Variants in PDZD2 observed in about 807,000 individuals in gnomAD.
PDZD2 encodes the protein PDZ domain-containing protein 2.
Under a neutral mutation model 220.7 loss-of-function variants are expected in PDZD2, and 90 were observed. That is an observed-to-expected ratio of 0.41 (90% CI 0.34 to 0.49). The LOEUF is 0.49. PDZD2 is among the 20% of genes least tolerant of loss of function. The probability of loss-of-function intolerance (pLI) is 0.28; values close to 1 mark genes in which losing one functional copy is unlikely to be tolerated. For missense variants in PDZD2, 3,174 were observed against 3,608.5 expected, an observed-to-expected ratio of 0.88 and a Z score of 3.08; for synonymous variants, 1,375 against 1,450.5, an observed-to-expected ratio of 0.95 and a Z score of 1.18.
At chr5:31,910,526 G>C (rs1743090361) in intron 2 of PDZD2, among the ~76,000 whole-genome samples, 1 of 151,330 alleles carries the variant, frequency 6.6e-6, no homozygotes, top group African/African-American at 2.4e-5. Context: ...GAGTAACTGG[G>C]ATTACAGGCA....
intron 2 of PDZD2, among the ~76,000 whole-genome samples, chr5:31,940,961 CA>C (rs963316165): frequency 6.7e-6 from 1 of 150,058 alleles, no homozygotes; most frequent in South Asian, 2.1e-4. Flanking sequence ...GCCCCCCCAC[CA>C]AAAAAAAAGT....
chr5:31,736,316 A>G (rs1203354779), intron 1 of PDZD2, among the ~76,000 whole-genome samples: 1 of 152,138 alleles, frequency 6.6e-6, no homozygotes, highest in Admixed American at 6.5e-5. Flanking sequence ...ACGGCAGTGT[A>G]TGAGGATCTG....
At position 31,893,346 on chromosome 5, in the gene PDZD2, G is replaced by A. The variant is rs994820602; in HGVS notation, c.477-89809G>A. On this transcript the variant is annotated intron_variant, in intron 2 of 24. Transcript: ENST00000438447. ...AGCACTTTGGGAGACCAAGGTGGGC[G>A]GATTGCTTGACCCCAGGAGTTCAAG... Among the ~76,000 whole-genome samples the A allele has an allele frequency of 4.6e-5, 7 of 152,152 alleles. No individual in the cohort carries two copies. In the East Asian group the frequency reaches 7.7e-4, roughly 17 times the overall value.
chr5:31,849,964 A>T lies in PDZD2; in HGVS notation c.476+50240A>T. 1.6e-4 allele frequency among the ~76,000 whole-genome samples: 3 copies of T among 18,378 alleles called. 1 individual carries two copies. Among genetic ancestry groups the T allele is most frequent in the African/African-American group, 1.2e-3 (3 of 2,416 alleles). 12.1% of individuals were successfully genotyped at this position (18,378 alleles called of 152,430 possible). A position where few individuals can be genotyped will look rare whatever the true frequency, so the allele number is the denominator to read the frequency against. ...TATATATATACATATATATATATAC[A>T]CATATATATATATACATATATATAT... On this transcript the variant is annotated intron_variant, in intron 2 of 24. Coordinates refer to ENST00000438447, the MANE Select transcript of PDZD2 (RefSeq NM_178140.4).
At chr5:31,998,732 G>A (rs946150973) in intron 4 of PDZD2, among the ~76,000 whole-genome samples, 1 of 152,228 alleles carries the variant, frequency 6.6e-6, no homozygotes, top group African/African-American at 2.4e-5. Flanking sequence ...TAGCTGATGA[G>A]CTTAAAAAAC....
At chr5:31,951,452 C>G (rs1263818626) in intron 2 of PDZD2, among the ~76,000 whole-genome samples, 2 of 152,192 alleles carry the variant, frequency 1.3e-5, no homozygotes, top group Non-Finnish European at 2.9e-5. Context: ...GGCTCGACCT[C>G]TTAATACTAT....
intron 7 of PDZD2, among the ~76,000 whole-genome samples, chr5:32,037,804 C>G (rs939030762): frequency 6.6e-6 from 1 of 151,772 alleles, no homozygotes; most frequent in Non-Finnish European, 1.5e-5. Flanking sequence ...TGGCTCTGTG[C>G]AGGAGGCACC....
intron 2 of PDZD2, among the ~76,000 whole-genome samples, chr5:31,980,056 C>T (rs150834374): frequency 1.0e-3 from 158 of 152,216 alleles, no homozygotes; most frequent in African/African-American, 3.5e-3. Context: ...TTTTAAAAAC[C>T]GAGACATATT....
intron 1 of PDZD2, among the ~76,000 whole-genome samples, chr5:31,718,888 G>T (rs924632402): frequency 6.6e-6 from 1 of 151,912 alleles, no homozygotes; most frequent in African/African-American, 2.4e-5. Flanking sequence ...TTTAGTTAGA[G>T]ACAGGGTTTC....
intron 19 of PDZD2, among the ~76,000 whole-genome samples, chr5:32,086,660 C>T (rs1303743596): frequency 2.9e-5 from 4 of 139,726 alleles, no homozygotes; most frequent in Admixed American, 7.1e-5. Flanking sequence ...CACAGAACGC[C>T]GTTTTGTTGT....
At chr5:31,881,326 ATGTGTG>A (rs67969355) in intron 2 of PDZD2, among the ~76,000 whole-genome samples, 10,822 of 123,108 alleles carry the variant, frequency 0.088, 525 homozygotes, top group East Asian at 0.19. Context: ...TTCCATATAT[ATGTGTG>A]TGTGTGTGTG....
chr5:31,840,574 G>A (rs1258852221), intron 2 of PDZD2: 1 of 705,736 alleles, frequency 1.4e-6, no homozygotes, highest in African/African-American at 1.8e-5. Flanking sequence ...TTCTCTGCGT[G>A]GAGCAGGCTG....
intron 2 of PDZD2, among the ~76,000 whole-genome samples, chr5:31,978,562 A>G (rs1749989409): frequency 6.6e-6 from 1 of 152,170 alleles, no homozygotes; most frequent in South Asian, 2.1e-4. Context: ...TACTAAAAGT[A>G]CAATTAGCCA....
chr5:31,937,357 A>T (rs1745843497), intron 2 of PDZD2, among the ~76,000 whole-genome samples: 1 of 152,080 alleles, frequency 6.6e-6, no homozygotes, highest in African/African-American at 2.4e-5. Context: ...TAGGTGGAGA[A>T]TTTTGTTTCG....
chr5:31,927,186 C>T (rs1744864670), intron 2 of PDZD2, among the ~76,000 whole-genome samples: 2 of 151,998 alleles, frequency 1.3e-5, no homozygotes, highest in Admixed American at 6.6e-5. Flanking sequence ...GGTAACCAAC[C>T]GGCATATATA....
rs765244565 is a variant in PDZD2 at position 32,088,719 on chromosome 5, GTCC to G, written c.5276_5278del (p.Ser1759del). ...CAAGCATTAATGCAGCTGCCAGTCT[GTCC>G]TCCTTCAGTGTGGATGTCCCTAAGA... On this transcript the variant is annotated inframe_deletion, in exon 20 of 25. Transcript: ENST00000438447. The surrounding 1 kb of genome is among the most constrained non-coding windows in gnomAD (Gnocchi z 4.6). 2 of 1,614,108 alleles carry G rather than the reference GTCC, an allele frequency of 1.2e-6. No individual in the cohort carries two copies. Among genetic ancestry groups the G allele is most frequent in the East Asian group, 2.2e-5 (1 of 44,868 alleles).
intron 1 of PDZD2, among the ~76,000 whole-genome samples, chr5:31,791,931 A>T (rs1324835000): frequency 6.6e-6 from 1 of 152,194 alleles, no homozygotes; most frequent in Non-Finnish European, 1.5e-5. Flanking sequence ...GTAAAAATCC[A>T]CATAACAGCG....
chr5:31,940,277 T>C (rs1479992445), intron 2 of PDZD2, among the ~76,000 whole-genome samples: 1 of 152,230 alleles, frequency 6.6e-6, no homozygotes, highest in African/African-American at 2.4e-5. Context: ...ACTTCTTCTG[T>C]TGTCTTTGCT....
intron 6 of PDZD2, 44 bp from the exon 7 acceptor site, chr5:32,037,187 C>T: frequency 8.0e-7 from 1 of 1,242,788 alleles, no homozygotes. Context: ...TAAGTCATCG[C>T]AGGGCTGGGC....
Sources: allele counts gnomAD v4.1 joint callset (sites outside exome capture counted in the v4.1 genomes callset), GRCh38; gene constraint gnomAD v4.1.1; non-coding constraint Gnocchi (gnomAD v3.1); transcripts MANE v1.5; gene names NCBI Gene and HGNC (gene_info 2026-07-23, HGNC 2026-07-21).